The following GPBP1 variants were observed in gnomAD, a reference collection of about 807,000 sequenced individuals.
GPBP1 encodes the protein GC-rich promoter binding protein 1, also known as vasculin.
In GPBP1, 13 loss-of-function variants were observed where a neutral mutation model predicts 56.5. That is an observed-to-expected ratio of 0.23 (90% CI 0.15 to 0.37). The LOEUF (loss-of-function observed/expected upper bound fraction) is 0.37. Ranked by LOEUF, GPBP1 falls within the 10% of genes least tolerant of loss-of-function variation. GPBP1 has a pLI of 1.00. For synonymous variants in GPBP1, 204 were observed against 188.9 expected, an observed-to-expected ratio of 1.08 and a Z score of -0.66; for missense variants, 477 against 572.3, an observed-to-expected ratio of 0.83 and a Z score of 1.70.
At chr5:57,257,028 G>A (rs1412376756) in intron 10 of GPBP1, among the ~76,000 whole-genome samples, 1 of 151,070 alleles carries the variant, frequency 6.6e-6, no homozygotes, top group Non-Finnish European at 1.5e-5. Flanking sequence ...GGCAGTGATA[G>A]TTTTTGTTTT....
At position 57,246,447 on chromosome 5, in the gene GPBP1, A is replaced by G. The variant is rs1316871454; in HGVS notation, c.626A>G (p.Lys209Arg). 1 of 1,613,068 alleles carries G rather than the reference A, an allele frequency of 6.2e-7. No homozygotes were observed. Among genetic ancestry groups the G allele is most frequent in the Admixed American group, 1.7e-5 (1 of 59,762 alleles). ...AATGGAACTGGTCCAAGTGTTTATA[A>G]AGGTTTAGTCCCTAAACCTGCTGCT... ...VKNGTGPSVY[K>R]GLVPKPAAPP... is the part of the protein sequence containing the mutation. The change falls in exon 7 of 12, where the codon AAA becomes AGA. Residue 209 changes from lysine (K) to arginine (R), a missense_variant. Lys to Arg is a conservative substitution (Grantham distance 26, BLOSUM62 2). Around this residue, in one of 2 missense-constraint regions of GPBP1, gnomAD observed 414 missense variants for 458.2 expected, o/e 0.90. Transcript: ENST00000506184.
intron 2 of GPBP1, among the ~76,000 whole-genome samples, chr5:57,196,784 CATT>C (rs956390540): frequency 5.9e-5 from 9 of 151,566 alleles, no homozygotes; most frequent in African/African-American, 2.2e-4. Context: ...ATTTTATTAT[CATT>C]ATTATTATTT....
chr5:57,221,407 C>G, intron 3 of GPBP1: 1 of 1,497,040 alleles, frequency 6.7e-7, no homozygotes, highest in African/African-American at 1.4e-5. Flanking sequence ...GTAAGTATTA[C>G]TGAAAGAATA....
intron 2 of GPBP1, among the ~76,000 whole-genome samples, chr5:57,188,527 G>T (rs908479056): frequency 3.9e-5 from 6 of 151,972 alleles, no homozygotes; most frequent in Non-Finnish European, 8.8e-5. Flanking sequence ...GATTGCTCGG[G>T]AGTTTGCGAC....
chr5:57,228,342 C>G (rs1756286248), intron 3 of GPBP1, among the ~76,000 whole-genome samples: 1 of 151,970 alleles, frequency 6.6e-6, no homozygotes, highest in African/African-American at 2.4e-5. Context: ...GTAGTCCCAG[C>G]TACTTGGGAG....
chr5:57,176,844 G>C (rs1016752921), intron 2 of GPBP1, among the ~76,000 whole-genome samples: 13 of 152,168 alleles, frequency 8.5e-5, no homozygotes, highest in African/African-American at 3.1e-4. Flanking sequence ...TCCAAATGCA[G>C]TTTAGTGTTG....
Position 57,251,009 on chromosome 5 carries a change from T to TA in GPBP1, c.1031dup (p.Asn344LysfsTer6). 1.2e-6 allele frequency: 2 copies of TA among 1,612,586 alleles called. No homozygotes were observed. Among genetic ancestry groups the TA allele is most frequent in the Non-Finnish European group, 1.7e-6 (2 of 1,179,384 alleles). The stretch of plus-strand genomic sequence containing the variant: ...AATAGTACTCACCAAGAAAGGGATA[T>TA]AAACCGAAACTTCGATGAAAATGAA... On this transcript the variant is annotated frameshift_variant, in exon 10 of 12. Transcript: ENST00000506184. LOFTEE classifies it high-confidence loss of function.
chr5:57,224,369 A>G (rs1020280171), intron 3 of GPBP1, among the ~76,000 whole-genome samples: 2 of 151,188 alleles, frequency 1.3e-5, no homozygotes, highest in African/African-American at 4.9e-5. Flanking sequence ...CATCCTTCCG[A>G]GTAGCTGGGA....
At chr5:57,214,446 G>A (rs1755621401) in intron 3 of GPBP1, among the ~76,000 whole-genome samples, 1 of 152,002 alleles carries the variant, frequency 6.6e-6, no homozygotes, top group South Asian at 2.1e-4. Context: ...TTAGCCAGGC[G>A]TGGTGGTGCA....
At chr5:57,215,476 T>C (rs1025859136) in intron 3 of GPBP1, among the ~76,000 whole-genome samples, 4 of 152,228 alleles carry the variant, frequency 2.6e-5, no homozygotes, top group East Asian at 3.9e-4. Flanking sequence ...TTGTTTTCAT[T>C]AATGCCTGAA....
chr5:57,224,442 C>T (rs1465409205), intron 3 of GPBP1, among the ~76,000 whole-genome samples: 1 of 151,958 alleles, frequency 6.6e-6, no homozygotes, highest in Non-Finnish European at 1.5e-5. Context: ...GGGGTTTCAC[C>T]ATATTGTTCA....
intron 3 of GPBP1, among the ~76,000 whole-genome samples, chr5:57,229,915 C>G (rs533469411): frequency 7.0e-6 from 1 of 141,890 alleles, no homozygotes; most frequent in South Asian, 2.4e-4. Context: ...ATTTTCCCTT[C>G]CCTTCCCATC....
intron 2 of GPBP1, among the ~76,000 whole-genome samples, chr5:57,179,630 AGTT>A (rs1053504241): frequency 6.6e-6 from 1 of 151,792 alleles, no homozygotes; most frequent in Non-Finnish European, 1.5e-5. Context: ...AGAGTTTCGC[AGTT>A]GTTGCTGAGG....
chr5:57,219,870 T>G (rs1319450403), intron 3 of GPBP1, among the ~76,000 whole-genome samples: 7 of 151,702 alleles, frequency 4.6e-5, no homozygotes, highest in Non-Finnish European at 1.0e-4. Context: ...TGGACCAACG[T>G]GGAAAAACCC....
In GPBP1 at chr5:57,175,746, G is replaced by A; in HGVS notation, c.-712G>A. The A allele has an allele frequency of 2.5e-6, 1 of 396,520 alleles. No homozygotes were observed. Among genetic ancestry groups the A allele is most frequent in the South Asian group, 1.4e-4 (1 of 6,996 alleles). The allele number at this position is 396,520 out of a possible 1,614,324, so 24.6% of individuals were successfully genotyped here. A position where few individuals can be genotyped will look rare whatever the true frequency, so the allele number is the denominator to read the frequency against. On this transcript the variant is annotated 5_prime_UTR_variant, in exon 2 of 12. Transcript: ENST00000506184. ...CTCCCCTTCCCCCACCCCGTTGTTG[G>A]GGTTCTTCAGCCGAAACTGAGAGAC...
chr5:57,206,461 C>T (rs1486143700), intron 2 of GPBP1, among the ~76,000 whole-genome samples: 10 of 152,052 alleles, frequency 6.6e-5, no homozygotes, highest in African/African-American at 9.7e-5. Context: ...TGTAGTAGCG[C>T]GATCCCGGCT....
intron 3 of GPBP1, among the ~76,000 whole-genome samples, chr5:57,223,707 G>A (rs953798121): frequency 1.3e-4 from 19 of 150,960 alleles, no homozygotes; most frequent in Admixed American, 9.9e-4. Context: ...AGTCGCTTCT[G>A]GGTATAATTG....
intron 3 of GPBP1, among the ~76,000 whole-genome samples, chr5:57,217,667 A>G (rs1343770506): frequency 1.3e-5 from 2 of 152,176 alleles, no homozygotes; most frequent in Admixed American, 6.5e-5. Context: ...TAATGAGACA[A>G]TGCGAATGCA....
chr5:57,262,444 CTT>C, intron 11 of GPBP1, 148 bp from the exon 12 acceptor site: 1 of 631,252 alleles, frequency 1.6e-6, no homozygotes, highest in East Asian at 2.8e-5. Flanking sequence ...CTCACATCTA[CTT>C]TGTCTGGATC....
Sources: gnomAD v4.1 joint callset for allele counts (sites outside exome capture counted in the v4.1 genomes callset) on GRCh38, gnomAD v4.1.1 for gene constraint, gnomAD v4.1.1 regional missense constraint, MANE v1.5 for transcripts, NCBI Gene and HGNC (gene_info 2026-07-23, HGNC 2026-07-21) for gene names.